The following PABPC4L variants were observed in gnomAD, a reference collection of about 807,000 sequenced individuals.
PABPC4L encodes poly(A) binding protein cytoplasmic 4 like.
For synonymous variants in PABPC4L, 169 were observed against 164.1 expected (o/e 1.03, Z -0.23); for missense variants, 452 against 451.4 (o/e 1.00, Z -0.01).
the PABPC4L span, among the ~76,000 whole-genome samples, chr4:133,991,302 C>A: frequency 6.6e-6 from 1 of 152,120 alleles, no homozygotes. Context: ...AGTTGCCTTA[C>A]ATCTGCTGTT....
At chr4:134,067,148 C>T in the PABPC4L span, among the ~76,000 whole-genome samples, 8 of 152,032 alleles carry the variant, frequency 5.3e-5, no homozygotes, top group South Asian at 2.1e-4. Context: ...AAAAAGTAGC[C>T]GTGAATTTGA....
At chr4:134,013,659 G>GTCCA in the PABPC4L span, among the ~76,000 whole-genome samples, 252 of 152,156 alleles carry the variant, frequency 1.7e-3, 2 homozygotes, top group African/African-American at 5.6e-3. Context: ...GGTGCCTGAT[G>GTCCA]TCCAGGCATT....
chr4:134,015,217 T>G, the PABPC4L span, among the ~76,000 whole-genome samples: 1 of 152,180 alleles, frequency 6.6e-6, no homozygotes, highest in Non-Finnish European at 1.5e-5. Flanking sequence ...TGTTACAGCA[T>G]GGCCTTTTAA....
At chr4:133,987,867 G>T in the PABPC4L span, among the ~76,000 whole-genome samples, 1 of 152,182 alleles carries the variant, frequency 6.6e-6, no homozygotes, top group African/African-American at 2.4e-5. Context: ...GTAATTTACA[G>T]AAGAAAGAGG....
At chr4:134,146,606 A>T in the PABPC4L span, among the ~76,000 whole-genome samples, 571 of 152,150 alleles carry the variant, frequency 3.8e-3, 2 homozygotes, top group African/African-American at 0.013. Context: ...GACTAAGAGG[A>T]ATAAGGTACA....
chr4:134,127,845 A>G, the PABPC4L span, among the ~76,000 whole-genome samples: 49 of 152,262 alleles, frequency 3.2e-4, 1 homozygote, highest in South Asian at 6.8e-3. Context: ...GTCTATTATT[A>G]AGCTAATCAA....
At chr4:134,132,977 G>T in the PABPC4L span, among the ~76,000 whole-genome samples, 2 of 138,046 alleles carry the variant, frequency 1.4e-5, no homozygotes, top group Non-Finnish European at 3.0e-5. Flanking sequence ...TATATATTAT[G>T]TATATAATTA....
chr4:134,018,462 T>C, the PABPC4L span, among the ~76,000 whole-genome samples: 17 of 152,228 alleles, frequency 1.1e-4, no homozygotes, highest in African/African-American at 3.9e-4. Context: ...GCCACCCAGG[T>C]AATAAGCATA....
the PABPC4L span, among the ~76,000 whole-genome samples, chr4:134,174,694 T>G: frequency 6.6e-6 from 1 of 152,200 alleles, no homozygotes; most frequent in African/African-American, 2.4e-5. Context: ...CTGCGGTTTT[T>G]CCCTTTTGGC....
At chr4:134,122,197 G>A in the PABPC4L span, among the ~76,000 whole-genome samples, 1 of 151,560 alleles carries the variant, frequency 6.6e-6, no homozygotes, top group South Asian at 2.1e-4. Context: ...AACAGCAAAT[G>A]TAATTACACT....
chr4:134,090,762 C>CA, the PABPC4L span, among the ~76,000 whole-genome samples: 27,935 of 141,800 alleles, frequency 0.2, 3,135 homozygotes, highest in Middle Eastern at 0.26. Flanking sequence ...TATCCTGTCT[C>CA]AAAAAAAAAA....
chr4:134,009,132 A>G, the PABPC4L span, among the ~76,000 whole-genome samples: 1 of 151,886 alleles, frequency 6.6e-6, no homozygotes, highest in Non-Finnish European at 1.5e-5. Context: ...AAAACTTTTC[A>G]AAGTAAGAAC....
chr4:133,952,459 C>T, the PABPC4L span, among the ~76,000 whole-genome samples: 1 of 152,090 alleles, frequency 6.6e-6, no homozygotes, highest in Non-Finnish European at 1.5e-5. Flanking sequence ...AGATTTTGCA[C>T]TAATCTATGT....
At chr4:134,149,853 G>T in the PABPC4L span, among the ~76,000 whole-genome samples, 1 of 152,176 alleles carries the variant, frequency 6.6e-6, no homozygotes, top group East Asian at 1.9e-4. Flanking sequence ...TCACACAGTG[G>T]CTAGGTGAGC....
the PABPC4L span, among the ~76,000 whole-genome samples, chr4:134,049,735 T>C: frequency 6.6e-6 from 1 of 152,204 alleles, no homozygotes; most frequent in African/African-American, 2.4e-5. Context: ...TATTTGAAAG[T>C]GTTTTTTAAA....
At chr4:134,201,465 G>A (rs966587024) in intron 1 of PABPC4L, among the ~76,000 whole-genome samples, 2 of 152,164 alleles carry the variant, frequency 1.3e-5, no homozygotes, top group South Asian at 4.1e-4. Flanking sequence ...CCCAGCCGTG[G>A]AGTATGGGCT....
chr4:134,046,648 G>A, the PABPC4L span, among the ~76,000 whole-genome samples: 2 of 152,102 alleles, frequency 1.3e-5, no homozygotes, highest in African/African-American at 4.8e-5. Context: ...GGGAAACCTT[G>A]GACAATACTC....
chr4:134,021,199 T>C, the PABPC4L span, among the ~76,000 whole-genome samples: 1 of 152,130 alleles, frequency 6.6e-6, no homozygotes, highest in Non-Finnish European at 1.5e-5. Context: ...AGGTAGTTTA[T>C]TTAAGGAAGT....
At chr4:134,117,587 C>G in the PABPC4L span, among the ~76,000 whole-genome samples, 98 of 151,764 alleles carry the variant, frequency 6.5e-4, no homozygotes, top group Non-Finnish European at 1.1e-3. Flanking sequence ...TTGGTTTGAA[C>G]TATTAAAATT....
Sources: allele counts gnomAD v4.1 joint callset (sites outside exome capture counted in the v4.1 genomes callset), GRCh38; gene constraint gnomAD v4.1.1; transcripts MANE v1.5; gene names NCBI Gene and HGNC (gene_info 2026-07-23, HGNC 2026-07-21).